Variants in ERBB4 observed in about 807,000 individuals in gnomAD.
ERBB4 encodes the protein receptor tyrosine-protein kinase erbB-4.
A neutral mutation model predicts 158.0 loss-of-function variants in ERBB4; 42 were observed. The ratio of observed to expected loss-of-function variants is 0.27; its 90% CI spans 0.21 to 0.34. ERBB4 has a LOEUF of 0.34. ERBB4 is among the 10% of genes least tolerant of loss of function. The probability of loss-of-function intolerance (pLI) is 1.00; values close to 1 mark genes in which losing one functional copy is unlikely to be tolerated. For synonymous variants in ERBB4, 583 were observed against 558.7 expected (o/e 1.04, Z -0.61); for missense variants, 1,333 against 1,624.1 (o/e 0.82, Z 3.08).
intron 2 of ERBB4, among the ~76,000 whole-genome samples, chr2:212,061,737 C>CTTT (rs71054164): frequency 7.5e-6 from 1 of 134,040 alleles, no homozygotes; most frequent in Non-Finnish European, 1.6e-5. Flanking sequence ...TTTTTCTTTT[C>CTTT]TTTTTTTTTT....
At position 211,426,989 on chromosome 2, in the gene ERBB4, A is replaced by G. The variant is rs568347656; in HGVS notation, c.2719+1419T>C. 7.2e-5 allele frequency among the ~76,000 whole-genome samples: 11 copies of G among 152,166 alleles called. No individual in the cohort carries two copies. In the East Asian group the frequency reaches 1.9e-3, roughly 27 times the overall value. ...ATAGTTTAGCAAGTAAGTTTTGTCA[A>G]GCATTTCCACTACATTTGTCTATAC... is the stretch of plus-strand genomic sequence containing the variant. On this transcript the variant is annotated intron_variant, in intron 22 of 27. Coordinates refer to ENST00000342788, the MANE Select transcript of ERBB4 (RefSeq NM_005235.3).
At chr2:212,475,556 TA>T (rs1256161887) in intron 1 of ERBB4, among the ~76,000 whole-genome samples, 1 of 152,204 alleles carries the variant, frequency 6.6e-6, no homozygotes, top group African/African-American at 2.4e-5. Context: ...AGCACTCACA[TA>T]ATAATTCTAT....
intron 2 of ERBB4, among the ~76,000 whole-genome samples, chr2:212,055,693 T>G (rs1167494571): frequency 6.6e-6 from 1 of 151,926 alleles, no homozygotes; most frequent in East Asian, 1.9e-4. Context: ...TCCAGCAAAC[T>G]CCAAAAGACC....
intron 1 of ERBB4, among the ~76,000 whole-genome samples, chr2:212,243,077 A>T (rs2084174607): frequency 6.6e-6 from 1 of 152,176 alleles, no homozygotes; most frequent in Non-Finnish European, 1.5e-5. Context: ...GCTCAAGTTG[A>T]CATCAATCTG....
rs138082083 is a variant in ERBB4, at chr2:212,288,559, T to C, written c.83-163656A>G. On this transcript the variant is annotated intron_variant, in intron 1 of 27. Transcript: ENST00000342788. Reference sequence around the variant, plus strand: ...CCTGGCCTCTCCTGTTGCAGCATAGTAACCTGGAATTCAGTGTGCGAGGTG... The same window carrying C: ...CCTGGCCTCTCCTGTTGCAGCATAGCAACCTGGAATTCAGTGTGCGAGGTG... 3.4e-3 allele frequency among the ~76,000 whole-genome samples: 516 copies of C among 152,216 alleles called. 7 individuals carry two copies. Among genetic ancestry groups the C allele is most frequent in the African/African-American group, 0.012 (498 of 41,546 alleles).
chr2:212,101,419 G>T (rs1046513739), intron 2 of ERBB4, among the ~76,000 whole-genome samples: 11 of 148,804 alleles, frequency 7.4e-5, no homozygotes, highest in Non-Finnish European at 4.5e-5. Flanking sequence ...TTTTCTTTAA[G>T]GCGAAGAAAG....
At chr2:212,256,219 A>G (rs1332022093) in intron 1 of ERBB4, among the ~76,000 whole-genome samples, 1 of 152,092 alleles carries the variant, frequency 6.6e-6, no homozygotes, top group Non-Finnish European at 1.5e-5. Context: ...TGATTCTCAC[A>G]AGCACTTTAA....
At chr2:211,453,179 T>C (rs914583011) in intron 20 of ERBB4, among the ~76,000 whole-genome samples, 10 of 152,212 alleles carry the variant, frequency 6.6e-5, no homozygotes, top group Admixed American at 3.9e-4. Flanking sequence ...TGGTAACACC[T>C]CAAGAAAAGG....
At chr2:211,839,942 G>T (rs1045510273) in intron 3 of ERBB4, among the ~76,000 whole-genome samples, 2 of 152,194 alleles carry the variant, frequency 1.3e-5, no homozygotes, top group East Asian at 3.9e-4. Flanking sequence ...TAGGTAACAT[G>T]TAGACTGACA....
rs2125138148 is a variant in ERBB4 at position 211,947,542 on chromosome 2, G to A, written c.309C>T (p.Arg103=). The part of the protein sequence containing the change: ...QFRYLPLENL[R]IIRGTKLYED... ...CATAAAGTTTTGTCCCACGAATAAT[G>A]CGTAAATTCTCCAGAGGCAGGTAAC... Residue 103 remains arginine, a synonymous_variant, in exon 3 of 28, where the codon CGC becomes CGT. Coordinates refer to ENST00000342788, the MANE Select transcript of ERBB4 (RefSeq NM_005235.3). 6.2e-7 allele frequency: 1 copy of A among 1,613,714 alleles called. No individual in the cohort carries two copies. The highest frequency in any genetic ancestry group is 8.5e-7 in the Non-Finnish European group (1 of 1,179,834).
intron 3 of ERBB4, among the ~76,000 whole-genome samples, chr2:211,804,635 T>A (rs1457609656): frequency 2.6e-5 from 4 of 152,000 alleles, no homozygotes; most frequent in African/African-American, 9.7e-5. Flanking sequence ...ATTGTGGGGT[T>A]TTTTAATGCT....
chr2:212,006,996 A>G (rs1463302590), intron 2 of ERBB4, among the ~76,000 whole-genome samples: 10 of 152,032 alleles, frequency 6.6e-5, no homozygotes, highest in Non-Finnish European at 1.3e-4. Flanking sequence ...TCAACTTCAA[A>G]TGAATGGCTG....
intron 1 of ERBB4, among the ~76,000 whole-genome samples, chr2:212,462,761 T>C (rs1185069579): frequency 6.6e-6 from 1 of 151,986 alleles, no homozygotes; most frequent in Non-Finnish European, 1.5e-5. Context: ...GGTATATATC[T>C]AAAGGAAAGG....
chr2:211,634,505 T>C (rs1466260516), intron 16 of ERBB4, among the ~76,000 whole-genome samples: 1 of 152,174 alleles, frequency 6.6e-6, no homozygotes, highest in East Asian at 1.9e-4. Context: ...TATCTTTTTC[T>C]TGTTTGTTTT....
intron 19 of ERBB4, among the ~76,000 whole-genome samples, chr2:211,617,043 A>G (rs2069417497): frequency 3.9e-5 from 6 of 152,120 alleles, no homozygotes; most frequent in Admixed American, 3.9e-4. Context: ...AGATCAAGAA[A>G]AAAAATGGAT....
Position 211,665,457 on chromosome 2 carries a change from C to T in ERBB4, c.1737G>A (p.Lys579=), listed in dbSNP as rs377501321. 33 of 1,613,528 alleles carry T rather than the reference C, an allele frequency of 2.0e-5. No homozygotes were observed. The highest frequency in any genetic ancestry group is 2.8e-5 in the Non-Finnish European group (33 of 1,179,918). Residue 579 remains lysine, a synonymous_variant, in exon 15 of 28, where the codon AAG becomes AAA. Transcript: ENST00000342788. ...CHGPGPDNCT[K]CSHFKDGPNC... is the part of the protein sequence containing the mutation. ...TTGGGCCATCTTTAAAATGAGAGCA[C>T]TTTGTACAGTTGTCAGGACCCTGAA... is the stretch of plus-strand genomic sequence containing the variant.
At chr2:212,328,674 G>C (rs149829873) in intron 1 of ERBB4, among the ~76,000 whole-genome samples, 1 of 151,874 alleles carries the variant, frequency 6.6e-6, no homozygotes, top group Non-Finnish European at 1.5e-5. Flanking sequence ...GGAATTTGTG[G>C]GGAATTCATA....
intron 3 of ERBB4, among the ~76,000 whole-genome samples, chr2:211,896,167 A>C (rs2079092668): frequency 6.6e-6 from 1 of 152,226 alleles, no homozygotes; most frequent in African/African-American, 2.4e-5. Context: ...TCACTGGAAC[A>C]TTAGACCTAT....
chr2:212,338,210 C>T (rs1245493682), intron 1 of ERBB4, among the ~76,000 whole-genome samples: 1 of 152,082 alleles, frequency 6.6e-6, no homozygotes, highest in African/African-American at 2.4e-5. Flanking sequence ...CTGTGCTTTA[C>T]TACCTTCATT....
Sources: allele counts gnomAD v4.1 joint callset (sites outside exome capture counted in the v4.1 genomes callset), GRCh38; gene constraint gnomAD v4.1.1; transcripts MANE v1.5; gene names NCBI Gene and HGNC (gene_info 2026-07-23, HGNC 2026-07-21).